FSTL5: variants seen among roughly 807,000 people sequenced by gnomAD.
FSTL5 encodes follistatin-related protein 5.
A neutral mutation model predicts 89.1 loss-of-function variants in FSTL5; 62 were observed. The observed-to-expected ratio is 0.70, with a 90% CI of 0.57 to 0.86. The LOEUF (loss-of-function observed/expected upper bound fraction) is 0.86, where lower values mean the gene tolerates loss of function less well. FSTL5 is among the 40% of genes least tolerant of loss of function. The pLI, the probability that FSTL5 is intolerant of heterozygous loss-of-function variation, is 0.00. For synonymous variants in FSTL5, 383 were observed against 346.2 expected (o/e 1.11, Z -1.18); for missense variants, 1,057 against 1,001.6 (o/e 1.06, Z -0.75).
chr4:161,903,575 G>T (rs1733433879), intron 4 of FSTL5, among the ~76,000 whole-genome samples: 1 of 151,740 alleles, frequency 6.6e-6, no homozygotes, highest in Non-Finnish European at 1.5e-5. Context: ...AATTTTTTAT[G>T]TTTAAAACCC....
At position 161,907,235 on chromosome 4, in the gene FSTL5, T is replaced by C. The variant is rs141509035; in HGVS notation, c.409+13169A>G. On this transcript the variant is annotated intron_variant, in intron 4 of 15. Coordinates refer to ENST00000306100, the MANE Select transcript of FSTL5 (RefSeq NM_020116.5). ...TTCGGAATATGGAAAAGACACTCTC[T>C]ACAAACTTACATGCTCTTTTATGTT... Among the ~76,000 whole-genome samples, 729 of 152,242 alleles carry C rather than the reference T, an allele frequency of 4.8e-3. 3 individuals are homozygous for C. Among genetic ancestry groups the C allele is most frequent in the Non-Finnish European group, 7.0e-3 (474 of 67,982 alleles).
chr4:161,615,652 A>G (rs1383433109), intron 7 of FSTL5, among the ~76,000 whole-genome samples: 2 of 152,088 alleles, frequency 1.3e-5, no homozygotes, highest in Non-Finnish European at 2.9e-5. Flanking sequence ...AAAATCTTTA[A>G]ACACGAAAAA....
At chr4:161,887,385 T>TGTCTATC (rs1732840142) in intron 4 of FSTL5, among the ~76,000 whole-genome samples, 1 of 132,740 alleles carries the variant, frequency 7.5e-6, no homozygotes, top group African/African-American at 2.9e-5. Flanking sequence ...GTATTATCTC[T>TGTCTATC]ATCTATCATC....
At chr4:162,016,046 C>G (rs1296823146) in intron 3 of FSTL5, among the ~76,000 whole-genome samples, 1 of 152,106 alleles carries the variant, frequency 6.6e-6, no homozygotes, top group Non-Finnish European at 1.5e-5. Flanking sequence ...AGTAAATACC[C>G]TGCCATAATT....
intron 15 of FSTL5, among the ~76,000 whole-genome samples, chr4:161,432,072 A>G (rs996789186): frequency 1.3e-5 from 2 of 152,178 alleles, no homozygotes; most frequent in Admixed American, 1.3e-4. Flanking sequence ...AAGTCAACAA[A>G]GATACACTGG....
chr4:161,560,873 G>T (rs891471067), intron 8 of FSTL5, among the ~76,000 whole-genome samples: 1 of 151,864 alleles, frequency 6.6e-6, no homozygotes, highest in Non-Finnish European at 1.5e-5. Flanking sequence ...AATAGAGGAA[G>T]TACACTCTAA....
chr4:161,535,970 G>A (rs1156357727), intron 10 of FSTL5, among the ~76,000 whole-genome samples: 2 of 152,138 alleles, frequency 1.3e-5, no homozygotes, highest in African/African-American at 2.4e-5. Context: ...ATTATCGTAA[G>A]TGAATTAATG....
At chr4:161,929,037 T>C (rs1363705120) in intron 3 of FSTL5, among the ~76,000 whole-genome samples, 2 of 151,716 alleles carry the variant, frequency 1.3e-5, no homozygotes, top group Non-Finnish European at 3.0e-5. Context: ...GCATTTAAAT[T>C]TGTGATTCAA....
At chr4:161,533,181 A>C (rs1281775591) in intron 10 of FSTL5, among the ~76,000 whole-genome samples, 1 of 151,826 alleles carries the variant, frequency 6.6e-6, no homozygotes, top group Non-Finnish European at 1.5e-5. Context: ...AAAAAAAAAA[A>C]AGGCAATCCA....
intron 6 of FSTL5, among the ~76,000 whole-genome samples, chr4:161,677,960 ATATTT>A (rs1737365110): frequency 6.6e-6 from 1 of 151,824 alleles, no homozygotes; most frequent in Admixed American, 6.6e-5. Context: ...ATAGATATAT[ATATTT>A]TATTTGTCAA....
chr4:161,476,176 T>TTTC (rs1734132728), intron 13 of FSTL5, among the ~76,000 whole-genome samples: 1 of 98,928 alleles, frequency 1.0e-5, no homozygotes, highest in Non-Finnish European at 2.0e-5. Flanking sequence ...TTTGCTGGTT[T>TTTC]TTTTTTTTTT....
intron 3 of FSTL5, among the ~76,000 whole-genome samples, chr4:161,930,716 T>C (rs1734262726): frequency 6.6e-6 from 1 of 151,846 alleles, no homozygotes; most frequent in Non-Finnish European, 1.5e-5. Context: ...ACTCATTTGC[T>C]TCAACTCTCT....
intron 1 of FSTL5, among the ~76,000 whole-genome samples, chr4:162,112,707 A>C (rs1731491095): frequency 6.6e-6 from 1 of 151,688 alleles, no homozygotes; most frequent in Non-Finnish European, 1.5e-5. Context: ...TAGTTCACTC[A>C]GTCACGCTTC....
At chr4:161,597,332 G>C (rs1475618330) in intron 7 of FSTL5, among the ~76,000 whole-genome samples, 1 of 151,870 alleles carries the variant, frequency 6.6e-6, no homozygotes, top group Non-Finnish European at 1.5e-5. Context: ...TCAAAGATCA[G>C]ATAGTTGTAA....
intron 6 of FSTL5, among the ~76,000 whole-genome samples, chr4:161,756,392 C>A (rs1193491882): frequency 6.6e-6 from 1 of 151,986 alleles, no homozygotes; most frequent in Non-Finnish European, 1.5e-5. Context: ...ACTATATTCA[C>A]TAAATTCATT....
intron 8 of FSTL5, among the ~76,000 whole-genome samples, chr4:161,550,372 T>C (rs1732156947): frequency 6.6e-6 from 1 of 151,900 alleles, no homozygotes; most frequent in Admixed American, 6.6e-5. Context: ...AAATACAAAA[T>C]ACACTTTCAA....
At chr4:161,461,952 T>G (rs934929339) in intron 13 of FSTL5, among the ~76,000 whole-genome samples, 3 of 152,050 alleles carry the variant, frequency 2.0e-5, no homozygotes, top group Non-Finnish European at 4.4e-5. Context: ...AAAATCTCAT[T>G]GTTATTTAAT....
intron 7 of FSTL5, among the ~76,000 whole-genome samples, chr4:161,604,474 A>T (rs1419356619): frequency 6.6e-6 from 1 of 152,192 alleles, no homozygotes; most frequent in African/African-American, 2.4e-5. Context: ...TACTCTAAAA[A>T]ATATAAAAAT....
intron 6 of FSTL5, among the ~76,000 whole-genome samples, chr4:161,685,192 G>A (rs1737671227): frequency 6.6e-6 from 1 of 152,138 alleles, no homozygotes; most frequent in Non-Finnish European, 1.5e-5. Context: ...GGTGTCTCCA[G>A]ATATGTTCTT....
Sources: gnomAD v4.1 joint callset for allele counts (sites outside exome capture counted in the v4.1 genomes callset) on GRCh38, gnomAD v4.1.1 for gene constraint, MANE v1.5 for transcripts, NCBI Gene and HGNC (gene_info 2026-07-23, HGNC 2026-07-21) for gene names.